Variants in PKIB observed in about 807,000 individuals in gnomAD.
PKIB encodes cAMP-dependent protein kinase inhibitor beta.
A neutral mutation model predicts 4.5 loss-of-function variants in PKIB; 2 were observed. That is an observed-to-expected ratio of 0.44 (90% CI 0.18 to 1.39). The LOEUF (loss-of-function observed/expected upper bound fraction) is 1.39. Among genes scored for constraint, PKIB ranks in the 40% most tolerant of loss-of-function variants. The pLI, the probability that PKIB is intolerant of heterozygous loss-of-function variation, is 0.27. For synonymous variants in PKIB, 38 were observed against 36.0 expected, an observed-to-expected ratio of 1.06 and a Z score of -0.20; for missense variants, 94 against 92.6, an observed-to-expected ratio of 1.02 and a Z score of -0.06.
chr6:122,592,654 A>G (rs1774054084), intron 3 of PKIB, among the ~76,000 whole-genome samples: 1 of 152,208 alleles, frequency 6.6e-6, no homozygotes, highest in South Asian at 2.1e-4. Context: ...CACTAAGATT[A>G]TGGTGCAAAG....
chr6:122,529,195 CT>C (rs765399715), intron 2 of PKIB, among the ~76,000 whole-genome samples: 2 of 152,062 alleles, frequency 1.3e-5, no homozygotes, highest in Non-Finnish European at 2.9e-5. Context: ...CTTTGATTTA[CT>C]TCTTATTTCC....
At chr6:122,658,228 G>A (rs1288290966) in intron 2 of PKIB, among the ~76,000 whole-genome samples, 1 of 152,024 alleles carries the variant, frequency 6.6e-6, no homozygotes, top group East Asian at 1.9e-4. Context: ...GAACTAGTTT[G>A]GGCCAAGTCA....
intron 3 of PKIB, among the ~76,000 whole-genome samples, chr6:122,701,996 C>G (rs1028049955): frequency 6.6e-6 from 1 of 152,092 alleles, no homozygotes; most frequent in Non-Finnish European, 1.5e-5. Context: ...CAGAATAAGA[C>G]TTGGATTTCT....
intron 2 of PKIB, among the ~76,000 whole-genome samples, chr6:122,578,503 C>A (rs1773612972): frequency 6.6e-6 from 1 of 152,018 alleles, no homozygotes; most frequent in African/African-American, 2.4e-5. Flanking sequence ...CATCTAGATG[C>A]CAAAATGTTC....
chr6:122,653,459 G>A (rs1776645540), intron 2 of PKIB, among the ~76,000 whole-genome samples: 1 of 152,032 alleles, frequency 6.6e-6, no homozygotes, highest in African/African-American at 2.4e-5. Context: ...CAGGATTGCA[G>A]GTGCCAATCT....
chr6:122,642,012 T>A (rs1776137665), intron 2 of PKIB, among the ~76,000 whole-genome samples: 1 of 152,190 alleles, frequency 6.6e-6, no homozygotes, highest in Non-Finnish European at 1.5e-5. Flanking sequence ...TAATTTTGAA[T>A]TGAGCTTCAG....
intron 2 of PKIB, among the ~76,000 whole-genome samples, chr6:122,562,365 G>A (rs1773061833): frequency 6.6e-6 from 1 of 152,112 alleles, no homozygotes; most frequent in South Asian, 2.1e-4. Context: ...GTTGCTTGGT[G>A]CTTCGTCTCA....
intron 3 of PKIB, among the ~76,000 whole-genome samples, chr6:122,708,492 A>G (rs1582833579): frequency 6.6e-6 from 1 of 151,990 alleles, no homozygotes; most frequent in Admixed American, 6.6e-5. Context: ...TGTAGGGGAG[A>G]TATGGTTTTC....
At chr6:122,555,163 C>G (rs1162903644) in intron 2 of PKIB, among the ~76,000 whole-genome samples, 1 of 152,094 alleles carries the variant, frequency 6.6e-6, no homozygotes, top group Admixed American at 6.6e-5. Flanking sequence ...GACTGATCCA[C>G]TGGTTTGGGG....
chr6:122,683,856 C>A (rs1342978293), intron 3 of PKIB, among the ~76,000 whole-genome samples: 2 of 152,184 alleles, frequency 1.3e-5, no homozygotes, highest in Non-Finnish European at 2.9e-5. Context: ...CCAGCCATCA[C>A]ACTTCTGGAT....
intron 2 of PKIB, chr6:122,644,561 A>C (rs1776238990): frequency 6.6e-6 from 1 of 152,200 alleles, no homozygotes; most frequent in African/African-American, 2.4e-5. Flanking sequence ...CCTCTCCCCC[A>C]GCGTTCTTAA....
intron 2 of PKIB, among the ~76,000 whole-genome samples, chr6:122,491,111 G>A (rs934101890): frequency 1.3e-5 from 2 of 152,178 alleles, no homozygotes; most frequent in Admixed American, 1.3e-4. Context: ...CTAGGAAGAG[G>A]CCCAAGCAGG....
intron 2 of PKIB, among the ~76,000 whole-genome samples, chr6:122,497,023 G>A (rs1431248905): frequency 6.6e-6 from 1 of 152,198 alleles, no homozygotes; most frequent in Non-Finnish European, 1.5e-5. Flanking sequence ...GCTAAAAGCA[G>A]ACCTTTCAGC....
chr6:122,551,931 A>G (rs1772686487), intron 2 of PKIB, among the ~76,000 whole-genome samples: 1 of 139,930 alleles, frequency 7.1e-6, no homozygotes, highest in Admixed American at 7.7e-5. Context: ...TATTAAAGCA[A>G]CTTCCTCCAG....
At chr6:122,614,229 G>C (rs1774888701) in intron 1 of PKIB, among the ~76,000 whole-genome samples, 1 of 152,172 alleles carries the variant, frequency 6.6e-6, no homozygotes, top group Non-Finnish European at 1.5e-5. Context: ...TTCCTGAACG[G>C]GAAGAGGTAT....
At chr6:122,608,696 G>A (rs1254482517), upstream of PKIB, among the ~76,000 whole-genome samples, 6 of 152,178 alleles carry the variant, frequency 3.9e-5, no homozygotes, top group African/African-American at 4.8e-5. Context: ...TGAGGATATG[G>A]CCTTCATGGG....
chr6:122,534,831 G>A (rs1244201339), intron 2 of PKIB, among the ~76,000 whole-genome samples: 1 of 152,008 alleles, frequency 6.6e-6, no homozygotes, highest in Non-Finnish European at 1.5e-5. Context: ...GGGTAACTTT[G>A]AATTAAAAGT....
At chr6:122,535,637 A>G (rs141342199) in intron 2 of PKIB, among the ~76,000 whole-genome samples, 190 of 152,256 alleles carry the variant, frequency 1.2e-3, no homozygotes, top group Middle Eastern at 6.8e-3. Flanking sequence ...TTTTCAAGAA[A>G]CCTGGACAGA....
At chr6:122,603,844 A>T (rs1325537311) in intron 3 of PKIB, among the ~76,000 whole-genome samples, 1 of 152,144 alleles carries the variant, frequency 6.6e-6, no homozygotes. Flanking sequence ...AACTTACCAC[A>T]TACTTATTAG....
Sources: gnomAD v4.1 joint callset for allele counts (sites outside exome capture counted in the v4.1 genomes callset) on GRCh38, gnomAD v4.1.1 for gene constraint, MANE v1.5 for transcripts, NCBI Gene and HGNC (gene_info 2026-07-23, HGNC 2026-07-21) for gene names.